The following TTYH2 variants were observed in gnomAD, a reference collection of about 807,000 sequenced individuals.
TTYH2 encodes protein tweety homolog 2.
TTYH2 carries 49 observed loss-of-function variants against 68.3 expected under a neutral mutation model. The observed-to-expected ratio is 0.72, with a 90% CI of 0.57 to 0.91. The LOEUF is 0.91. TTYH2 is among the 40% of genes least tolerant of loss of function. The pLI, the probability that TTYH2 is intolerant of heterozygous loss-of-function variation, is 0.00. For missense variants in TTYH2, 631 were observed against 700.4 expected (o/e 0.90, Z 1.12); for synonymous variants, 272 against 300.8 (o/e 0.90, Z 0.99).
At chr17:74,243,885 C>T (rs1333463467) in intron 5 of TTYH2, 92 bp from the exon 6 acceptor site, 2 of 1,222,972 alleles carry the variant, frequency 1.6e-6, no homozygotes, top group African/African-American at 2.9e-5. Context: ...GCCTTTGGAT[C>T]CATTGCAAGG....
chr17:74,243,412 T>G lies in TTYH2; in HGVS notation c.674T>G (p.Val225Gly). ...SYLLLFILDL[V>G]ICLIACLGLA... ...CTCCTGCTCTTTATCCTGGACCTGG[T>G]CATCTGCCTCATTGCCTGCCTGGGA... The change falls in exon 5 of 14, where the codon GTC becomes GGC. Residue 225 changes from valine to glycine, a missense_variant. Val to Gly is a moderately radical substitution (Grantham distance 109). Transcript: ENST00000269346. 6.2e-7 allele frequency: 1 copy of G among 1,614,188 alleles called. No individual in the cohort carries two copies. Among genetic ancestry groups the G allele is most frequent in the Non-Finnish European group, 8.5e-7 (1 of 1,180,024 alleles).
chr17:74,245,288 C>T (rs1479235438), intron 6 of TTYH2, among the ~76,000 whole-genome samples: 4 of 152,282 alleles, frequency 2.6e-5, no homozygotes, highest in East Asian at 3.8e-4. Flanking sequence ...TGTTTGAAAG[C>T]ATGCAGGAGC....
chr17:74,244,418 G>T (rs1236811208), intron 6 of TTYH2, among the ~76,000 whole-genome samples: 4 of 152,196 alleles, frequency 2.6e-5, no homozygotes, highest in Non-Finnish European at 4.4e-5. Context: ...AATGGGTAGG[G>T]GTCCAAGCCT....
In TTYH2 at chr17:74,222,357, T is replaced by A. The variant is rs2050283818; in HGVS notation, c.130-128T>A. ...ACAGAGTAGGAGCTTGAACCCTAGG[T>A]GGAGCTTGGAAGGATGGACGAGAGA... On this transcript the variant is annotated intron_variant, in intron 1 of 13. Coordinates refer to ENST00000269346, the MANE Select transcript of TTYH2 (RefSeq NM_032646.6). The surrounding 1 kb of genome is among the most constrained non-coding windows in gnomAD (Gnocchi z 5.2). The A allele has an allele frequency of 8.9e-7, 1 of 1,125,454 alleles. No individual in the cohort carries two copies. The highest frequency in any genetic ancestry group is 2.7e-5 in the Admixed American group (1 of 36,874). 69.7% of individuals were successfully genotyped at this position (1,125,454 alleles called of 1,614,324 possible).
intron 1 of TTYH2, among the ~76,000 whole-genome samples, chr17:74,220,498 A>G (rs927819889): frequency 6.6e-6 from 1 of 152,156 alleles, no homozygotes; most frequent in African/African-American, 2.4e-5. Context: ...AGGGTGGTAA[A>G]CTTTACTTCA....
intron 6 of TTYH2, among the ~76,000 whole-genome samples, chr17:74,245,082 G>A (rs1438603757): frequency 2.0e-5 from 3 of 152,298 alleles, no homozygotes; most frequent in South Asian, 4.1e-4. Flanking sequence ...CTCACACCTC[G>A]TCCAGTGACT....
intron 13 of TTYH2, among the ~76,000 whole-genome samples, chr17:74,254,145 G>A (rs1287046711): frequency 6.6e-6 from 1 of 151,988 alleles, no homozygotes; most frequent in East Asian, 1.9e-4. Flanking sequence ...AATTGGGGTG[G>A]CCATCCTGGT....
intron 4 of TTYH2, among the ~76,000 whole-genome samples, chr17:74,238,977 CA>C (rs1369715231): frequency 6.6e-6 from 1 of 152,104 alleles, no homozygotes; most frequent in Non-Finnish European, 1.5e-5. Flanking sequence ...TCCCAAAGTC[CA>C]AGGATTACAG....
At chr17:74,231,207 A>T (rs1195489561) in intron 3 of TTYH2, among the ~76,000 whole-genome samples, 1 of 152,182 alleles carries the variant, frequency 6.6e-6, no homozygotes, top group Non-Finnish European at 1.5e-5. Flanking sequence ...GGTGGCAGGG[A>T]TGGGGGTGAG....
Position 74,261,169 on chromosome 17 carries a change from G to C in TTYH2, c.*960G>C, listed in dbSNP as rs575738253. The stretch of plus-strand genomic sequence containing the variant: ...GCTGGCACTGATCTGGAGATCTGCA[G>C]ATCTGGAGGAGACGGGAAGGAGTCG... On this transcript the variant is annotated 3_prime_UTR_variant, in exon 14 of 14. Coordinates refer to ENST00000269346, the MANE Select transcript of TTYH2 (RefSeq NM_032646.6). 4 of 152,670 alleles carry C rather than the reference G, an allele frequency of 2.6e-5. No homozygotes were observed. The South Asian group carries it at 8.3e-4, about 32-fold the overall frequency. 9.5% of individuals were successfully genotyped at this position (152,670 alleles called of 1,614,324 possible).
At chr17:74,228,698 T>TG (rs573837448) in intron 2 of TTYH2, among the ~76,000 whole-genome samples, 2 of 130,838 alleles carry the variant, frequency 1.5e-5, no homozygotes, top group African/African-American at 5.7e-5. Flanking sequence ...ACAAGATCAG[T>TG]GGGGGGCGGG....
chr17:74,250,940 A>G (rs1307263428), intron 10 of TTYH2, among the ~76,000 whole-genome samples: 4 of 152,034 alleles, frequency 2.6e-5, no homozygotes, highest in African/African-American at 9.7e-5. Flanking sequence ...TATGTCATTC[A>G]GTTCTCACAG....
In TTYH2 at chr17:74,213,771, C is replaced by A; in HGVS notation, c.129+55C>A. 6.3e-7 allele frequency: 1 copy of A among 1,581,670 alleles called. No homozygotes were observed. Among genetic ancestry groups the A allele is most frequent in the Non-Finnish European group, 8.6e-7 (1 of 1,162,248 alleles). On this transcript the variant is annotated intron_variant, in intron 1 of 13. Coordinates refer to ENST00000269346, the MANE Select transcript of TTYH2 (RefSeq NM_032646.6). The surrounding 1 kb of genome is among the most constrained non-coding windows in gnomAD (Gnocchi z 6.1). The stretch of plus-strand genomic sequence containing the variant: ...ACGCGCGCCCCAAGTCCCCGCACTA[C>A]CCCCTCTCCCCTCGAGAGCCTGCAC...
At chr17:74,249,253 C>T (rs938266004) in intron 7 of TTYH2, 91 bp from the exon 8 acceptor site, 29 of 1,576,036 alleles carry the variant, frequency 1.8e-5, no homozygotes, top group African/African-American at 8.1e-5. Flanking sequence ...AGCTCAGGGA[C>T]GGGGAGGGAG....
chr17:74,253,254 T>C lies in TTYH2; in HGVS notation c.1433T>C (p.Val478Ala). ...PPAQTISNAP[V>A]SEYMNQAMLF... ...GCCCAGACCATCTCCAACGCCCCTG[T>C]CTCCGAGTACATGTACGGCCTGCAC... Residue 478 changes from valine to alanine, a missense_variant, in exon 12 of 14, where the codon GTC (valine) becomes GCC (alanine). Physicochemically the swap from Val to Ala is moderately conservative, Grantham distance 64. Coordinates refer to ENST00000269346, the MANE Select transcript of TTYH2 (RefSeq NM_032646.6). The C allele has an allele frequency of 6.2e-7, 1 of 1,601,142 alleles. No individual in the cohort carries two copies. The highest frequency in any genetic ancestry group is 8.5e-7 in the Non-Finnish European group (1 of 1,174,850).
At chr17:74,258,639 A>G (rs1159244869) in intron 13 of TTYH2, among the ~76,000 whole-genome samples, 3 of 150,208 alleles carry the variant, frequency 2.0e-5, no homozygotes, top group African/African-American at 4.9e-5. Context: ...TTGGAGAACC[A>G]CTGCTCTGAG....
intron 13 of TTYH2, among the ~76,000 whole-genome samples, chr17:74,254,430 A>C (rs2050672582): frequency 6.6e-6 from 1 of 152,188 alleles, no homozygotes; most frequent in Admixed American, 6.5e-5. Context: ...GGCCTCCCAA[A>C]GTGCTGGGAT....
intron 3 of TTYH2, among the ~76,000 whole-genome samples, chr17:74,234,833 GT>G (rs2050426916): frequency 6.6e-6 from 1 of 152,170 alleles, no homozygotes; most frequent in Non-Finnish European, 1.5e-5. Flanking sequence ...CTATTACTGG[GT>G]TTGTTCAGAA....
At chr17:74,237,238 C>T (rs1035007918) in intron 3 of TTYH2, 56 bp from the exon 4 acceptor site, 34 of 1,572,350 alleles carry the variant, frequency 2.2e-5, no homozygotes, top group African/African-American at 1.1e-4. Context: ...AGACCTCTTC[C>T]GGGATGAGAA....
Sources: gnomAD v4.1 joint callset for allele counts (sites outside exome capture counted in the v4.1 genomes callset) on GRCh38, gnomAD v4.1.1 for gene constraint, Gnocchi (gnomAD v3.1) non-coding constraint, MANE v1.5 for transcripts, NCBI Gene and HGNC (gene_info 2026-07-23, HGNC 2026-07-21) for gene names.